LRRN3: variants seen among roughly 807,000 people sequenced by gnomAD.
LRRN3 encodes the protein leucine-rich repeat neuronal protein 3.
LRRN3 carries 15 observed loss-of-function variants against 40.1 expected under a neutral mutation model. The observed-to-expected ratio is 0.37, with a 90% CI of 0.25 to 0.58. The LOEUF is 0.58. Among genes scored for constraint, LRRN3 ranks in the 20% least tolerant of loss-of-function variants. The pLI is 0.72. For missense variants in LRRN3, 746 were observed against 837.7 expected (o/e 0.89, Z 1.35); for synonymous variants, 308 against 297.2 (o/e 1.04, Z -0.37).
At chr7:111,118,683 CTTAT>C (rs1800192701) in intron 2 of LRRN3, among the ~76,000 whole-genome samples, 1 of 152,088 alleles carries the variant, frequency 6.6e-6, no homozygotes, top group African/African-American at 2.4e-5. Flanking sequence ...TTATTACTTA[CTTAT>C]TATCCTGCAA....
At chr7:111,114,688 C>A (rs1251838241) in intron 2 of LRRN3, among the ~76,000 whole-genome samples, 1 of 145,588 alleles carries the variant, frequency 6.9e-6, no homozygotes, top group Non-Finnish European at 1.5e-5. Context: ...GTGAGTGAGC[C>A]GAGATCGCAC....
At chr7:111,117,308 T>A (rs1800005270) in intron 2 of LRRN3, among the ~76,000 whole-genome samples, 1 of 152,124 alleles carries the variant, frequency 6.6e-6, no homozygotes, top group South Asian at 2.1e-4. Flanking sequence ...TGTGAAAGAA[T>A]CTTACAACTC....
Position 111,123,169 on chromosome 7 carries a change from G to A in LRRN3, c.397G>A (p.Glu133Lys). ...GGAAAACAAACTTACTGAACTGCCT[G>A]AAAAATGTCTGTCCGAACTGAGCAA... The part of the protein sequence containing the change: ...LEENKLTELP[E>K]KCLSELSNLQ... Residue 133 changes from glutamate to lysine, a missense_variant, in exon 3 of 3, where the codon GAA becomes AAA. By Grantham distance (56) the Glu-to-Lys change is moderately conservative (BLOSUM62 1). Coordinates refer to ENST00000308478, the MANE Select transcript of LRRN3 (RefSeq NM_001099658.2). The surrounding 1 kb of genome is among the most constrained non-coding windows in gnomAD (Gnocchi z 6.4). 1 of 1,613,950 alleles carries A rather than the reference G, an allele frequency of 6.2e-7. No individual in the cohort carries two copies. Among genetic ancestry groups the A allele is most frequent in the Non-Finnish European group, 8.5e-7 (1 of 1,179,962 alleles).
intron 2 of LRRN3, among the ~76,000 whole-genome samples, chr7:111,107,369 A>G (rs1324740426): frequency 6.6e-6 from 1 of 152,084 alleles, no homozygotes; most frequent in African/African-American, 2.4e-5. Context: ...TGTTGTAAAC[A>G]GTTTAGATTC....
At chr7:111,114,231 A>C (rs564239994) in intron 2 of LRRN3, among the ~76,000 whole-genome samples, 1 of 152,246 alleles carries the variant, frequency 6.6e-6, no homozygotes, top group South Asian at 2.1e-4. Flanking sequence ...CAAATGTTTA[A>C]AATTCTTCAA....
chr7:111,098,448 G>A (rs1797627890), intron 1 of LRRN3, among the ~76,000 whole-genome samples: 1 of 151,636 alleles, frequency 6.6e-6, no homozygotes, highest in African/African-American at 2.4e-5. Flanking sequence ...ACCATAATAT[G>A]CTGCTGTTGG....
chr7:111,124,476 T>C lies in LRRN3; in HGVS notation c.1704T>C (p.Ser568=). 3.7e-6 allele frequency: 6 copies of C among 1,613,972 alleles called. No homozygotes were observed. Among genetic ancestry groups the C allele is most frequent in the Non-Finnish European group, 5.1e-6 (6 of 1,179,980 alleles). The change falls in exon 3 of 3, where the codon AGT becomes AGC. Residue 568 remains serine, a synonymous_variant. Coordinates refer to ENST00000308478, the MANE Select transcript of LRRN3 (RefSeq NM_001099658.2). ...VKTENSHAAQ[S]ARIPSDVKVY... ...CTGAAAATTCTCATGCTGCGCAAAG[T>C]GCTCGAATACCATCTGATGTCAAGG...
At position 111,107,886 on chromosome 7, in the gene LRRN3, A is replaced by T. The variant is rs118050541; in HGVS notation, c.-359+7924A>T. ...CATGCAAAGCTTAAACTTTTAAGTA[A>T]ATTTTACTAGTTTCATGTGTGCTGC... On this transcript the variant is annotated intron_variant, in intron 2 of 2. Transcript: ENST00000308478. Among the ~76,000 whole-genome samples the T allele has an allele frequency of 7.7e-4, 117 of 152,244 alleles. 1 individual carries two copies. The East Asian group carries it at 0.022, about 28-fold the overall frequency.
chr7:111,096,752 G>A (rs1797445327), intron 1 of LRRN3, among the ~76,000 whole-genome samples: 1 of 151,868 alleles, frequency 6.6e-6, no homozygotes, highest in African/African-American at 2.4e-5. Flanking sequence ...AATGGATCAA[G>A]TGTCAACATA....
chr7:111,116,940 C>T (rs1185847471), intron 2 of LRRN3, among the ~76,000 whole-genome samples: 2 of 152,134 alleles, frequency 1.3e-5, no homozygotes, highest in Non-Finnish European at 1.5e-5. Flanking sequence ...AATTTGAATT[C>T]ACATCTGAAT....
Position 111,123,707 on chromosome 7 carries a change from G to C in LRRN3, c.935G>C (p.Arg312Thr), listed in dbSNP as rs370102376. 7.2e-5 allele frequency: 116 copies of C among 1,613,736 alleles called. No homozygotes were observed. The highest frequency in any genetic ancestry group is 9.6e-5 in the Non-Finnish European group (113 of 1,179,940). The change falls in exon 3 of 3, where the codon AGA becomes ACA. Residue 312 changes from arginine to threonine, a missense_variant. Arg to Thr is a moderately conservative substitution (Grantham distance 71). Transcript: ENST00000308478. This position sits in a 1 kb window ranked among gnomAD's most constrained non-coding sequence, Gnocchi z 6.4. ...GCTGTGGATAACCTGCCAGATTTAA[G>C]AAAAATAGAAGCTACTAACAACCCT... ...SLAVDNLPDL[R>T]KIEATNNPRL... is the part of the protein sequence containing the mutation.
intron 2 of LRRN3, among the ~76,000 whole-genome samples, chr7:111,105,093 T>A (rs1232732496): frequency 6.6e-6 from 1 of 151,898 alleles, no homozygotes; most frequent in Admixed American, 6.6e-5. Flanking sequence ...ACTAAAGGTC[T>A]CATTGAGACA....
At chr7:111,116,881 G>A (rs989253868) in intron 2 of LRRN3, among the ~76,000 whole-genome samples, 4 of 152,102 alleles carry the variant, frequency 2.6e-5, no homozygotes, top group African/African-American at 7.2e-5. Flanking sequence ...ACATTTGAGA[G>A]AAAGTAGAAC....
intron 2 of LRRN3, among the ~76,000 whole-genome samples, chr7:111,100,572 A>T (rs1797867710): frequency 6.6e-6 from 1 of 150,648 alleles, no homozygotes. Flanking sequence ...AATGATAATG[A>T]ACACTTAATA....
chr7:111,113,490 CATAAAATCA>C (rs1215345372), intron 2 of LRRN3, among the ~76,000 whole-genome samples: 3 of 151,996 alleles, frequency 2.0e-5, no homozygotes, highest in Admixed American at 2.0e-4. Context: ...TGTGCCTGTT[CATAAAATCA>C]ACTCAAGCTG....
intron 1 of LRRN3, among the ~76,000 whole-genome samples, chr7:111,093,475 C>T (rs1027022674): frequency 6.6e-6 from 1 of 152,190 alleles, no homozygotes; most frequent in African/African-American, 2.4e-5. Context: ...TATAATGTAG[C>T]ATTGCAGTAT....
Position 111,124,641 on chromosome 7 carries a change from G to A in LRRN3, c.1869G>A (p.Lys623=). ...GLHPDQKEYE[K]NNTTTLMACL... is the part of the protein sequence containing the mutation. Reference sequence around the variant, plus strand: ...ACCCTGATCAAAAAGAGTATGAAAAGAATAATACCACAACACTTATGGCCT... The same window carrying A: ...ACCCTGATCAAAAAGAGTATGAAAAAAATAATACCACAACACTTATGGCCT... The change falls in exon 3 of 3, where the codon AAG becomes AAA. Residue 623 remains lysine (K), a synonymous_variant. Coordinates refer to ENST00000308478, the MANE Select transcript of LRRN3 (RefSeq NM_001099658.2). 1 of 1,613,910 alleles carries A rather than the reference G, an allele frequency of 6.2e-7. No individual in the cohort carries two copies. Among genetic ancestry groups the A allele is most frequent in the Non-Finnish European group, 8.5e-7 (1 of 1,179,970 alleles).
rs769476294 is a variant in LRRN3, at chr7:111,124,852, C to T, written c.2080C>T (p.Leu694=). 6.2e-7 allele frequency: 1 copy of T among 1,609,986 alleles called. No individual in the cohort carries two copies. The highest frequency in any genetic ancestry group is 1.1e-5 in the South Asian group (1 of 90,890). ...WEAGKEKSTS[L]KVKATVIGLP... ...AGCAGGAAAAGAAAAAAGTACATCA[C>T]TGAAAGTAAAAGCAACTGTTATAGG... The change falls in exon 3 of 3, where the codon CTG becomes TTG. Residue 694 remains leucine, a synonymous_variant. Transcript: ENST00000308478.
chr7:111,100,315 C>T (rs1797835485), intron 2 of LRRN3, among the ~76,000 whole-genome samples: 1 of 150,926 alleles, frequency 6.6e-6, no homozygotes, highest in East Asian at 1.9e-4. Context: ...AAGCATTTGA[C>T]TTTTTATGCA....
Sources: allele counts gnomAD v4.1 joint callset (sites outside exome capture counted in the v4.1 genomes callset), GRCh38; gene constraint gnomAD v4.1.1; non-coding constraint Gnocchi (gnomAD v3.1); transcripts MANE v1.5; gene names NCBI Gene and HGNC (gene_info 2026-07-23, HGNC 2026-07-21).